ZMAT4: variants seen among roughly 807,000 people sequenced by gnomAD.
ZMAT4 encodes the protein zinc finger matrin-type 4.
ZMAT4 carries 17 observed loss-of-function variants against 28.7 expected under a neutral mutation model. The observed-to-expected ratio is 0.59, with a 90% CI of 0.41 to 0.89. The LOEUF is 0.89. ZMAT4 is among the 40% of genes least tolerant of loss of function. The pLI is 0.00. For synonymous variants in ZMAT4, 117 were observed against 109.2 expected (o/e 1.07, Z -0.44); for missense variants, 240 against 283.8 (o/e 0.85, Z 1.11).
At chr8:40,773,429 A>T (rs1813465284) in intron 2 of ZMAT4, among the ~76,000 whole-genome samples, 4 of 152,174 alleles carry the variant, frequency 2.6e-5, no homozygotes, top group Non-Finnish European at 5.9e-5. Context: ...TGTTGGAAAG[A>T]TCCAAGGCCA....
chr8:40,877,030 A>C (rs1554497179), intron 1 of ZMAT4, among the ~76,000 whole-genome samples: 1 of 152,252 alleles, frequency 6.6e-6, no homozygotes, highest in Non-Finnish European at 1.5e-5. Context: ...GTCTTGACCC[A>C]GGTGTCAAAT....
At chr8:40,799,229 A>AGATC (rs1814732567) in intron 2 of ZMAT4, among the ~76,000 whole-genome samples, 1 of 104,556 alleles carries the variant, frequency 9.6e-6, no homozygotes, top group African/African-American at 3.1e-5. Context: ...ATGGATGGAT[A>AGATC]GATAGATGGA....
intron 5 of ZMAT4, among the ~76,000 whole-genome samples, chr8:40,608,886 C>T (rs936829956): frequency 2.0e-5 from 3 of 152,198 alleles, no homozygotes; most frequent in African/African-American, 7.2e-5. Context: ...CAGGGGCAGA[C>T]TTTCCCCCTT....
At chr8:40,613,167 T>A (rs138529237) in intron 5 of ZMAT4, among the ~76,000 whole-genome samples, 1,887 of 92,824 alleles carry the variant, frequency 0.02, 19 homozygotes, top group South Asian at 0.086. Flanking sequence ...TTTCTTTCTT[T>A]CTTACTTTCT....
At chr8:40,581,649 A>G (rs186167047) in intron 5 of ZMAT4, among the ~76,000 whole-genome samples, 9 of 152,140 alleles carry the variant, frequency 5.9e-5, no homozygotes, top group Admixed American at 3.3e-4. Context: ...ATTCCTTTCC[A>G]CTCTACTCCA....
intron 2 of ZMAT4, among the ~76,000 whole-genome samples, chr8:40,804,660 A>G (rs1814998135): frequency 6.6e-6 from 1 of 151,958 alleles, no homozygotes; most frequent in African/African-American, 2.4e-5. Context: ...AACAACATGG[A>G]GAAACCAGGT....
At chr8:40,833,711 C>T (rs185543675) in intron 1 of ZMAT4, among the ~76,000 whole-genome samples, 31 of 152,190 alleles carry the variant, frequency 2.0e-4, no homozygotes, top group Admixed American at 1.6e-3. Flanking sequence ...CCACCTGGGT[C>T]GACAGGCAGG....
At chr8:40,819,677 C>T (rs1815677992) in intron 2 of ZMAT4, among the ~76,000 whole-genome samples, 1 of 152,064 alleles carries the variant, frequency 6.6e-6, no homozygotes, top group Non-Finnish European at 1.5e-5. Context: ...GGCACAGCAA[C>T]ACAAGGGTTA....
intron 3 of ZMAT4, among the ~76,000 whole-genome samples, chr8:40,739,784 T>C (rs907517320): frequency 2.0e-5 from 3 of 152,098 alleles, no homozygotes; most frequent in Non-Finnish European, 4.4e-5. Context: ...GTCCTAATGC[T>C]CTCCCTCCCT....
intron 1 of ZMAT4, among the ~76,000 whole-genome samples, chr8:40,837,366 CT>C (rs1816532680): frequency 6.6e-6 from 1 of 152,192 alleles, no homozygotes; most frequent in Admixed American, 6.5e-5. Context: ...GCAGAACTCC[CT>C]TTCCCCAACC....
chr8:40,697,865 A>G (rs1262968866), intron 3 of ZMAT4, among the ~76,000 whole-genome samples: 1 of 152,186 alleles, frequency 6.6e-6, no homozygotes, highest in Non-Finnish European at 1.5e-5. Context: ...GAGTTATCCA[A>G]ATAAAAACGG....
At chr8:40,792,868 T>C (rs1366660196) in intron 2 of ZMAT4, among the ~76,000 whole-genome samples, 1 of 151,766 alleles carries the variant, frequency 6.6e-6, no homozygotes, top group Non-Finnish European at 1.5e-5. Flanking sequence ...CTGCATCCTA[T>C]ATGATACTAG....
chr8:40,831,992 C>A (rs746937904), intron 1 of ZMAT4, among the ~76,000 whole-genome samples: 1 of 152,154 alleles, frequency 6.6e-6, no homozygotes, highest in Non-Finnish European at 1.5e-5. Flanking sequence ...TGAGAAGACT[C>A]AGGGTTAGCA....
intron 6 of ZMAT4, among the ~76,000 whole-genome samples, chr8:40,571,666 T>C (rs1420560300): frequency 6.6e-6 from 1 of 152,156 alleles, no homozygotes; most frequent in Non-Finnish European, 1.5e-5. Flanking sequence ...GAGCTATTTT[T>C]TACATTCAGA....
chr8:40,609,208 G>A (rs898913530), intron 5 of ZMAT4, among the ~76,000 whole-genome samples: 16 of 152,184 alleles, frequency 1.1e-4, no homozygotes, highest in African/African-American at 3.4e-4. Flanking sequence ...CTTATAAAAT[G>A]TAAGACCCAA....
intron 2 of ZMAT4, among the ~76,000 whole-genome samples, chr8:40,811,061 T>G (rs915734185): frequency 6.6e-6 from 1 of 152,220 alleles, no homozygotes; most frequent in Admixed American, 6.5e-5. Flanking sequence ...GGAACCCTCA[T>G]GTACAATTGG....
intron 2 of ZMAT4, among the ~76,000 whole-genome samples, chr8:40,771,663 A>C (rs1813394025): frequency 6.6e-6 from 1 of 152,248 alleles, no homozygotes; most frequent in African/African-American, 2.4e-5. Flanking sequence ...ACCCAAGAGC[A>C]ATATATGCTA....
At chr8:40,716,296 G>A (rs1297097372) in intron 3 of ZMAT4, among the ~76,000 whole-genome samples, 1 of 152,182 alleles carries the variant, frequency 6.6e-6, no homozygotes, top group Non-Finnish European at 1.5e-5. Flanking sequence ...GAAATATGGG[G>A]AGGGGATCAA....
intron 5 of ZMAT4, among the ~76,000 whole-genome samples, chr8:40,623,236 C>T (rs1353879534): frequency 1.3e-5 from 2 of 152,156 alleles, no homozygotes; most frequent in African/African-American, 2.4e-5. Context: ...TAGAGAATAA[C>T]ATGGTCATCC....
Sources: gnomAD v4.1 joint callset for allele counts (sites outside exome capture counted in the v4.1 genomes callset) on GRCh38, gnomAD v4.1.1 for gene constraint, MANE v1.5 for transcripts, NCBI Gene and HGNC (gene_info 2026-07-23, HGNC 2026-07-21) for gene names.